MLIP: variants seen among roughly 807,000 people sequenced by gnomAD.
The protein encoded by MLIP is muscular LMNA-interacting protein.
A neutral mutation model predicts 84.8 loss-of-function variants in MLIP; 79 were observed. The observed-to-expected ratio is 0.93, with a 90% CI of 0.78 to 1.12. The LOEUF is 1.12. Ranked by LOEUF, MLIP falls within the 50% of genes most tolerant of loss-of-function variation. The pLI is 0.00. For missense variants in MLIP, 1,257 were observed against 1,160.6 expected (o/e 1.08, Z -1.21); for synonymous variants, 504 against 463.0 (o/e 1.09, Z -1.14).
intron 12 of MLIP, among the ~76,000 whole-genome samples, chr6:54,256,682 G>A (rs1783026897): frequency 6.6e-6 from 1 of 151,894 alleles, no homozygotes; most frequent in Admixed American, 6.6e-5. Context: ...GACCCACATA[G>A]CAATAAAAAT....
At chr6:54,170,037 G>T (rs1342777702) in intron 9 of MLIP, among the ~76,000 whole-genome samples, 2 of 151,628 alleles carry the variant, frequency 1.3e-5, no homozygotes, top group Non-Finnish European at 3.0e-5. Context: ...AGCAAAAGTG[G>T]ATAGATATAG....
At chr6:54,237,596 A>C (rs1387793536) in intron 12 of MLIP, among the ~76,000 whole-genome samples, 2 of 151,774 alleles carry the variant, frequency 1.3e-5, no homozygotes, top group East Asian at 3.9e-4. Context: ...CTGTAATCCC[A>C]ACACTTTGAG....
intron 1 of MLIP, among the ~76,000 whole-genome samples, chr6:54,026,973 C>T (rs1763840066): frequency 6.6e-6 from 1 of 152,186 alleles, no homozygotes; most frequent in Non-Finnish European, 1.5e-5. Context: ...TTTTATACAT[C>T]TATCAAAAGT....
At chr6:54,210,725 GGAGGGAAAAAAAAAAAAAAAATGTTCTA>G (rs1779388343) in intron 11 of MLIP, among the ~76,000 whole-genome samples, 2 of 61,490 alleles carry the variant, frequency 3.3e-5, no homozygotes, top group South Asian at 1.5e-3. Context: ...AGACTCCAAC[GGAGGGAAAAAAAAAAAAAAAATGTTCTA>G]ATGTTCAAAT....
At chr6:54,260,965 A>T (rs1196770971) in intron 13 of MLIP, among the ~76,000 whole-genome samples, 1 of 151,912 alleles carries the variant, frequency 6.6e-6, no homozygotes, top group African/African-American at 2.4e-5. Context: ...AGCAGATGAG[A>T]TCTGTAAATA....
intron 1 of MLIP, among the ~76,000 whole-genome samples, chr6:54,032,663 C>A (rs1764207081): frequency 6.6e-6 from 1 of 152,198 alleles, no homozygotes; most frequent in South Asian, 2.1e-4. Context: ...AAGAGATCCT[C>A]CTGCCTCAGC....
intron 1 of MLIP, among the ~76,000 whole-genome samples, chr6:54,099,295 G>A (rs947797166): frequency 2.0e-5 from 3 of 152,002 alleles, no homozygotes; most frequent in Non-Finnish European, 4.4e-5. Context: ...ATACATTATG[G>A]ACCTTAGTAA....
At chr6:54,083,494 G>T in intron 1 of MLIP, 2 of 1,534,734 alleles carry the variant, frequency 1.3e-6, no homozygotes, top group Non-Finnish European at 1.7e-6. Flanking sequence ...GCAAGTGTTT[G>T]TCAATGAGTT....
chr6:54,172,148 A>G (rs1049191672), intron 9 of MLIP, among the ~76,000 whole-genome samples: 1 of 151,652 alleles, frequency 6.6e-6, no homozygotes, highest in Non-Finnish European at 1.5e-5. Context: ...GAAAATTCCT[A>G]TTTCTGAGAG....
At chr6:54,205,279 T>C (rs1377181646) in intron 11 of MLIP, among the ~76,000 whole-genome samples, 1 of 152,242 alleles carries the variant, frequency 6.6e-6, no homozygotes, top group African/African-American at 2.4e-5. Context: ...TTCTAGTCAC[T>C]ATTGTCTTCT....
intron 9 of MLIP, among the ~76,000 whole-genome samples, chr6:54,186,597 G>A (rs1777419110): frequency 6.6e-6 from 1 of 152,162 alleles, no homozygotes; most frequent in Admixed American, 6.5e-5. Context: ...GAAAATGAAG[G>A]AGAAGCAAGG....
intron 12 of MLIP, among the ~76,000 whole-genome samples, chr6:54,252,865 T>G (rs575753176): frequency 1.3e-5 from 2 of 152,228 alleles, no homozygotes; most frequent in East Asian, 3.9e-4. Context: ...TAGAACTTAC[T>G]TGTGTGATAG....
intron 4 of MLIP, among the ~76,000 whole-genome samples, chr6:54,142,872 C>A (rs1329379758): frequency 6.6e-6 from 1 of 151,890 alleles, no homozygotes; most frequent in Non-Finnish European, 1.5e-5. Context: ...AACAAACATT[C>A]ACCAAACATC....
rs72955963 is a variant in MLIP at position 54,072,987 on chromosome 6, A to G, written c.64-48460A>G. Reference sequence around the variant, plus strand: ...GAAGCAGTAGATTTGAAATTTCTGTAGACTTTTGCCACCCCCTTCCCTCAA... The same window carrying G: ...GAAGCAGTAGATTTGAAATTTCTGTGGACTTTTGCCACCCCCTTCCCTCAA... On this transcript the variant is annotated intron_variant, in intron 1 of 12. Coordinates refer to the MLIP transcript ENST00000274897. Among the ~76,000 whole-genome samples, 1,385 of 152,238 alleles carry G rather than the reference A, an allele frequency of 9.1e-3. 8 individuals are homozygous for G. The highest frequency in any genetic ancestry group is 0.014 in the Non-Finnish European group (973 of 68,010).
At position 54,138,692 on chromosome 6, in the gene MLIP, C is replaced by A. The variant is rs191427439; in HGVS notation, c.2217+406C>A. Among the ~76,000 whole-genome samples, 630 of 152,250 alleles carry A rather than the reference C, an allele frequency of 4.1e-3. 5 individuals carry two copies. The highest frequency in any genetic ancestry group is 0.013 in the African/African-American group (544 of 41,544). ...CTAGCATCCATCCAAATATCCTGTA[C>A]TGATGGAATAGTAGACAGGATTAAT... On this transcript the variant is annotated intron_variant, in intron 4 of 13. Transcript: ENST00000502396.
intron 12 of MLIP, among the ~76,000 whole-genome samples, chr6:54,242,257 C>G (rs1450345434): frequency 9.9e-5 from 15 of 152,150 alleles, no homozygotes. Flanking sequence ...TTCTTAAACT[C>G]CTTGGATATT....
intron 1 of MLIP, among the ~76,000 whole-genome samples, chr6:54,082,628 A>T (rs1175669384): frequency 1.3e-5 from 2 of 152,236 alleles, no homozygotes; most frequent in Non-Finnish European, 2.9e-5. Context: ...TTCTCCCTTT[A>T]GCAATATGGG....
At chr6:54,253,058 A>G (rs529617921) in intron 12 of MLIP, among the ~76,000 whole-genome samples, 1 of 152,062 alleles carries the variant, frequency 6.6e-6, no homozygotes, top group East Asian at 1.9e-4. Flanking sequence ...TTCAGTGTCT[A>G]CTCTGTACTG....
rs9474706 is a variant in MLIP, at chr6:54,033,298, G to A, written c.63+14207G>A. ...TTTTTTTTTTTTGAGATGGAGTCTC[G>A]CTCTGTTGCCCAGGTTGGAGTGCAA... On this transcript the variant is annotated intron_variant, in intron 1 of 12. Coordinates refer to the MLIP transcript ENST00000274897. Among the ~76,000 whole-genome samples the A allele has an allele frequency of 3.0e-4, 44 of 147,754 alleles. 1 individual carries two copies. Among genetic ancestry groups the A allele is most frequent in the Admixed American group, 2.2e-3 (33 of 14,766 alleles).
Sources: gnomAD v4.1 joint callset for allele counts (sites outside exome capture counted in the v4.1 genomes callset) on GRCh38, gnomAD v4.1.1 for gene constraint, MANE v1.5 for transcripts, NCBI Gene and HGNC (gene_info 2026-07-23, HGNC 2026-07-21) for gene names.